Variants in RMDN1 observed in about 807,000 individuals in gnomAD.
RMDN1 encodes the protein regulator of microtubule dynamics 1, also known as regulator of microtubule dynamics protein 1.
In RMDN1, 48 loss-of-function variants were observed where a neutral mutation model predicts 48.9. The observed-to-expected ratio is 0.98, with a 90% confidence interval of 0.78 to 1.25. The LOEUF (loss-of-function observed/expected upper bound fraction) is 1.25. RMDN1 is among the 50% of genes most tolerant of loss of function. The pLI, the probability that RMDN1 is intolerant of heterozygous loss-of-function variation, is 0.00. For missense variants in RMDN1, 418 were observed against 373.4 expected (o/e 1.12, Z -0.98); for synonymous variants, 148 against 132.6 (o/e 1.12, Z -0.80).
chr8:86,505,872 C>CGT (rs1819248809), intron 2 of RMDN1, among the ~76,000 whole-genome samples: 1 of 151,646 alleles, frequency 6.6e-6, no homozygotes, highest in East Asian at 1.9e-4. Context: ...GATGGAAACT[C>CGT]TTAATTTCCC....
In RMDN1 at chr8:86,508,478, G is replaced by T; in HGVS notation, c.129+14C>A. 1 of 1,542,420 alleles carries T rather than the reference G, an allele frequency of 6.5e-7. No individual in the cohort carries two copies. The highest frequency in any genetic ancestry group is 8.7e-7 in the Non-Finnish European group (1 of 1,144,188). On this transcript the variant is annotated intron_variant, in intron 1 of 9. Coordinates refer to ENST00000406452, the MANE Select transcript of RMDN1 (RefSeq NM_016033.3). ...GTAGGAAGTGAGGAGCGGGAGCCAGGACCACGGGGGTACCTCGAAGCCGCG... is the reference window on the plus strand; with the variant it reads ...GTAGGAAGTGAGGAGCGGGAGCCAGTACCACGGGGGTACCTCGAAGCCGCG...
At chr8:86,485,908 C>T (rs1815386843) in intron 4 of RMDN1, among the ~76,000 whole-genome samples, 1 of 152,110 alleles carries the variant, frequency 6.6e-6, no homozygotes, top group African/African-American at 2.4e-5. Flanking sequence ...CAATTGTTTC[C>T]CAAGGTCCAA....
In RMDN1 at chr8:86,507,085, T is replaced by C; in HGVS notation, c.157A>G (p.Arg53Gly). The C allele has an allele frequency of 6.2e-6, 10 of 1,611,256 alleles. No homozygotes were observed. Among genetic ancestry groups the C allele is most frequent in the Non-Finnish European group, 8.5e-6 (10 of 1,177,400 alleles). ...EVMGNPGTFKRGLLLSALSYL... is the reference protein window; with the variant it reads ...EVMGNPGTFKGGLLLSALSYL... ...GACAAAGCTGAGAGTAAAAGGCCTCTTTTGAAAGTTCCTGGGTTTCCCATT... is the reference window on the plus strand; with the variant it reads ...GACAAAGCTGAGAGTAAAAGGCCTCCTTTGAAAGTTCCTGGGTTTCCCATT... The change falls in exon 2 of 10, where the codon AGA (arginine) becomes GGA (glycine). Residue 53 changes from arginine (R) to glycine (G), a missense_variant. Arg to Gly is a moderately radical substitution (Grantham distance 125). Coordinates refer to ENST00000406452, the MANE Select transcript of RMDN1 (RefSeq NM_016033.3).
chr8:86,474,663 T>A, intron 9 of RMDN1, 157 bp downstream of exon 9: 1 of 812,992 alleles, frequency 1.2e-6, no homozygotes, highest in Admixed American at 1.9e-5. Context: ...ATTTCCTATA[T>A]AGAAATATAA....
chr8:86,501,770 G>A (rs1818273569), intron 2 of RMDN1, among the ~76,000 whole-genome samples: 1 of 152,012 alleles, frequency 6.6e-6, no homozygotes, highest in South Asian at 2.1e-4. Flanking sequence ...AAGATAATAA[G>A]ACTTGTCCTA....
chr8:86,477,439 A>T (rs1286223246), intron 7 of RMDN1, 115 bp from the exon 8 acceptor site: 5 of 790,014 alleles, frequency 6.3e-6, no homozygotes, highest in African/African-American at 3.5e-5. Flanking sequence ...GAAGTAAATC[A>T]TCTTAAAATA....
At chr8:86,506,444 GT>G in intron 2 of RMDN1, among the ~76,000 whole-genome samples, 1 of 152,244 alleles carries the variant, frequency 6.6e-6, no homozygotes, top group East Asian at 1.9e-4. Flanking sequence ...CCCTTAGGGG[GT>G]CTCAATCTTT....
chr8:86,509,806 T>A (rs905316169), upstream of RMDN1, among the ~76,000 whole-genome samples: 1 of 152,168 alleles, frequency 6.6e-6, no homozygotes, highest in Non-Finnish European at 1.5e-5. Context: ...TCAGCTGTAT[T>A]TCTTTAGGAT....
downstream of RMDN1, chr8:86,468,612 A>G (rs1424142765): frequency 6.7e-6 from 3 of 449,220 alleles, no homozygotes; most frequent in African/African-American, 6.0e-5. Flanking sequence ...GATTTAGCAG[A>G]TTTGACTGAA....
At chr8:86,503,904 A>G in intron 2 of RMDN1, 1 of 699,476 alleles carries the variant, frequency 1.4e-6, no homozygotes, top group Non-Finnish European at 2.7e-6. Flanking sequence ...GCCTTATGGG[A>G]TTGTGTAAAG....
intron 2 of RMDN1, among the ~76,000 whole-genome samples, chr8:86,495,930 C>A (rs1378915624): frequency 1.3e-5 from 2 of 152,138 alleles, no homozygotes; most frequent in East Asian, 3.9e-4. Context: ...CTACGGGAAT[C>A]CCATCAGGTT....
At chr8:86,509,323 A>C (rs2056355679), upstream of RMDN1, among the ~76,000 whole-genome samples, 1 of 152,146 alleles carries the variant, frequency 6.6e-6, no homozygotes, top group South Asian at 2.1e-4. Flanking sequence ...CTCCCCTAAA[A>C]TTCTTCAATA....
chr8:86,478,761 C>A, intron 7 of RMDN1, 162 bp downstream of exon 7: 1 of 652,612 alleles, frequency 1.5e-6, no homozygotes, highest in Non-Finnish European at 2.7e-6. Context: ...ACTCACCAGT[C>A]AAGGATAATA....
intron 5 of RMDN1, chr8:86,482,874 G>A (rs1814778218): frequency 1.7e-6 from 2 of 1,152,298 alleles, no homozygotes; most frequent in South Asian, 1.2e-5. Flanking sequence ...GAAGGCCCTG[G>A]GGTCCCAGTT....
intron 2 of RMDN1, among the ~76,000 whole-genome samples, chr8:86,502,141 A>C (rs1324365006): frequency 1.3e-5 from 2 of 152,238 alleles, no homozygotes; most frequent in Non-Finnish European, 2.9e-5. Context: ...GGATTGTAAA[A>C]AACAAAAAAG....
At position 86,488,617 on chromosome 8, in the gene RMDN1, T is replaced by G. The variant is rs770029265; in HGVS notation, c.270A>C (p.Ala90=). 8 of 1,609,512 alleles carry G rather than the reference T, an allele frequency of 5.0e-6. No homozygotes were observed. Among genetic ancestry groups the G allele is most frequent in the Admixed American group, 1.7e-5 (1 of 59,214 alleles). Reference sequence around the variant, plus strand: ...TTTCTCCGCTTTCATACAGGTAGTCTGCTTGTTCAAGTATTTCTTCAACTT... The same window carrying G: ...TTTCTCCGCTTTCATACAGGTAGTCGGCTTGTTCAAGTATTTCTTCAACTT... ...TAKVEEILEQ[A]DYLYESGETE... Residue 90 remains alanine, a synonymous_variant, in exon 3 of 10, where the codon GCA becomes GCC. Coordinates refer to ENST00000406452, the MANE Select transcript of RMDN1 (RefSeq NM_016033.3).
intron 3 of RMDN1, among the ~76,000 whole-genome samples, chr8:86,487,622 CT>C (rs901173874): frequency 2.0e-5 from 3 of 151,676 alleles, no homozygotes; most frequent in Non-Finnish European, 4.4e-5. Context: ...ATAATAAATT[CT>C]TTTTTATTAA....
At chr8:86,470,504 A>T (rs1398018256), downstream of RMDN1, 3 of 1,076,480 alleles carry the variant, frequency 2.8e-6, no homozygotes, top group East Asian at 1.8e-4. Flanking sequence ...CAGAGAGTAA[A>T]GGGGAAAAAT....
At chr8:86,468,804 CTTGAT>C (rs1400711869), downstream of RMDN1, 4 of 436,716 alleles carry the variant, frequency 9.2e-6, no homozygotes, top group East Asian at 7.0e-5. Context: ...AGGCAGAGCT[CTTGAT>C]TTATCTACCC....
Sources: allele counts gnomAD v4.1 joint callset (sites outside exome capture counted in the v4.1 genomes callset), GRCh38; gene constraint gnomAD v4.1.1; transcripts MANE v1.5; gene names NCBI Gene and HGNC (gene_info 2026-07-23, HGNC 2026-07-21).